EYS: variants seen among roughly 807,000 people sequenced by gnomAD.
EYS encodes EGF-like photoreceptor maintenance factor, also known as protein eyes shut homolog.
Under a neutral mutation model 282.1 loss-of-function variants are expected in EYS, and 250 were observed. The observed-to-expected ratio is 0.89, with a 90% confidence interval of 0.80 to 0.98. EYS has a LOEUF of 0.98. Ranked by LOEUF, EYS falls within the 50% of genes least tolerant of loss-of-function variation. The pLI is 0.00. For synonymous variants in EYS, 1,355 were observed against 1,282.9 expected (o/e 1.06, Z -1.20); for missense variants, 4,016 against 3,709.0 (o/e 1.08, Z -2.15).
At chr6:65,381,366 A>G (rs1001496039) in intron 8 of EYS, among the ~76,000 whole-genome samples, 51 of 152,238 alleles carry the variant, frequency 3.4e-4, no homozygotes, top group African/African-American at 1.0e-3. Flanking sequence ...CAACATAGGA[A>G]CAGAAAAGCA....
chr6:65,024,473 A>G (rs902213909), intron 13 of EYS, among the ~76,000 whole-genome samples: 1 of 152,210 alleles, frequency 6.6e-6, no homozygotes, highest in Non-Finnish European at 1.5e-5. Context: ...GAATCTATGA[A>G]TTCAACCTCA....
chr6:65,549,116 C>A (rs1768505997), intron 2 of EYS, among the ~76,000 whole-genome samples: 1 of 152,174 alleles, frequency 6.6e-6, no homozygotes, highest in South Asian at 2.1e-4. Context: ...CTCCCCTCAC[C>A]TCCTGCCGTG....
At chr6:65,353,090 T>C (rs530359689) in intron 9 of EYS, among the ~76,000 whole-genome samples, 1 of 151,932 alleles carries the variant, frequency 6.6e-6, no homozygotes, top group Non-Finnish European at 1.5e-5. Context: ...ATAGGCTCAT[T>C]GCTTATAAGC....
chr6:65,153,856 A>C (rs1229431547), intron 12 of EYS, among the ~76,000 whole-genome samples: 1 of 151,866 alleles, frequency 6.6e-6, no homozygotes, highest in Non-Finnish European at 1.5e-5. Context: ...ATCATTGTTA[A>C]GTAGATAAGA....
At chr6:64,325,103 G>C (rs1770361860) in intron 29 of EYS, among the ~76,000 whole-genome samples, 1 of 152,130 alleles carries the variant, frequency 6.6e-6, no homozygotes, top group Non-Finnish European at 1.5e-5. Context: ...TTAGAAAAAA[G>C]CTATTCTAAA....
intron 5 of EYS, among the ~76,000 whole-genome samples, chr6:65,446,878 C>G (rs1768680851): frequency 1.3e-5 from 2 of 151,598 alleles, no homozygotes; most frequent in African/African-American, 4.8e-5. Flanking sequence ...AATATTAATT[C>G]TTAAAACTTT....
intron 30 of EYS, among the ~76,000 whole-genome samples, chr6:64,255,712 AGTGT>A (rs1348409673): frequency 3.9e-5 from 6 of 151,968 alleles, no homozygotes; most frequent in African/African-American, 9.7e-5. Context: ...TATATGTGTA[AGTGT>A]GTGTATGTTT....
intron 14 of EYS, among the ~76,000 whole-genome samples, chr6:64,971,674 A>G (rs1583346167): frequency 6.6e-6 from 1 of 152,148 alleles, no homozygotes; most frequent in Admixed American, 6.6e-5. Flanking sequence ...TGAAGGTGTC[A>G]AAGTGCTCTA....
intron 7 of EYS, among the ~76,000 whole-genome samples, chr6:65,387,307 A>G (rs943711905): frequency 2.0e-5 from 3 of 151,906 alleles, no homozygotes; most frequent in African/African-American, 7.2e-5. Context: ...ACAAAATTCC[A>G]TCACCAGCAT....
chr6:64,104,645 T>G (rs1478273869), intron 31 of EYS, among the ~76,000 whole-genome samples: 1 of 152,000 alleles, frequency 6.6e-6, no homozygotes, highest in African/African-American at 2.4e-5. Flanking sequence ...TAAAAGAGCT[T>G]AGAAGTCAGC....
rs563653376 is a variant in EYS at position 64,274,176 on chromosome 6, C to A, written c.6191+32794G>T. ...CTTAATCTGCTCTACTCCCTCCATT[C>A]ATTTATTCATTCATTCATAGACAGG... On this transcript the variant is annotated intron_variant, in intron 30 of 42. Coordinates refer to ENST00000503581, the MANE Select transcript of EYS (RefSeq NM_001142800.2). Among the ~76,000 whole-genome samples the A allele has an allele frequency of 6.6e-5, 10 of 152,248 alleles. No homozygotes were observed. The East Asian group carries it at 1.9e-3, about 29-fold the overall frequency.
chr6:64,511,169 G>A (rs916612635), intron 26 of EYS, among the ~76,000 whole-genome samples: 23 of 143,998 alleles, frequency 1.6e-4, no homozygotes, highest in Non-Finnish European at 3.4e-4. Context: ...GCTTCATCCA[G>A]TTAAGGTTGC....
intron 2 of EYS, among the ~76,000 whole-genome samples, chr6:65,620,610 G>T (rs1031818290): frequency 1.3e-5 from 2 of 150,206 alleles, no homozygotes; most frequent in African/African-American, 4.9e-5. Flanking sequence ...GAATGTGTTT[G>T]CTCTTGCTTT....
At chr6:65,276,498 A>G (rs1768052184) in intron 12 of EYS, among the ~76,000 whole-genome samples, 1 of 152,080 alleles carries the variant, frequency 6.6e-6, no homozygotes, top group Admixed American at 6.6e-5. Flanking sequence ...ACAGGCAAAG[A>G]AGAGTTACTA....
intron 31 of EYS, among the ~76,000 whole-genome samples, chr6:64,210,265 C>T (rs1765723629): frequency 6.6e-6 from 1 of 152,174 alleles, no homozygotes; most frequent in Admixed American, 6.5e-5. Context: ...AGTTATGTTA[C>T]ATAGACTGAG....
At chr6:65,022,086 A>C (rs1173292431) in intron 13 of EYS, among the ~76,000 whole-genome samples, 1 of 152,198 alleles carries the variant, frequency 6.6e-6, no homozygotes, top group African/African-American at 2.4e-5. Context: ...GTAATAATTT[A>C]ACATATATTT....
At chr6:65,491,823 G>A (rs1035478400) in intron 4 of EYS, among the ~76,000 whole-genome samples, 5 of 152,056 alleles carry the variant, frequency 3.3e-5, no homozygotes, top group Admixed American at 6.6e-5. Context: ...AATATCTTTA[G>A]AGAAGTACGC....
intron 13 of EYS, among the ~76,000 whole-genome samples, chr6:65,000,634 C>G (rs577338899): frequency 1.3e-5 from 2 of 152,006 alleles, no homozygotes; most frequent in Non-Finnish European, 2.9e-5. Context: ...AAAAATTAGC[C>G]GGGCTTGGTG....
intron 35 of EYS, among the ~76,000 whole-genome samples, chr6:63,913,306 C>T (rs4535528): frequency 0.28 from 41,921 of 152,052 alleles, 5,903 homozygotes; most frequent in Admixed American, 0.36. Flanking sequence ...GTGAACTGTT[C>T]ATTTTGTATA....
Sources: gnomAD v4.1 joint callset for allele counts (sites outside exome capture counted in the v4.1 genomes callset) on GRCh38, gnomAD v4.1.1 for gene constraint, MANE v1.5 for transcripts, NCBI Gene and HGNC (gene_info 2026-07-23, HGNC 2026-07-21) for gene names.